HDGFL3: variants seen among roughly 807,000 people sequenced by gnomAD.
HDGFL3 encodes HDGF like 3, also known as hepatoma-derived growth factor-related protein 3.
HDGFL3 carries 6 observed loss-of-function variants against 27.6 expected under a neutral mutation model. The observed-to-expected ratio is 0.22, with a 90% CI of 0.12 to 0.43. HDGFL3 has a LOEUF of 0.43. Among genes scored for constraint, HDGFL3 ranks in the 20% least tolerant of loss-of-function variants. HDGFL3 has a pLI of 1.00. For missense variants in HDGFL3, 207 were observed against 250.1 expected (o/e 0.83, Z 1.16); for synonymous variants, 88 against 88.9 (o/e 0.99, Z 0.05).
chr15:83,193,776 ATTTCCATGTAATTAAAAGT>A (rs1221612672), intron 1 of HDGFL3, among the ~76,000 whole-genome samples: 5 of 152,222 alleles, frequency 3.3e-5, no homozygotes, highest in African/African-American at 1.2e-4. Flanking sequence ...CTGTCCCTTA[ATTTCCATGTAATTAAAAGT>A]GGATATAAAC....
At chr15:83,115,932 A>G (rs750518285) in intron 3 of HDGFL3, 66 of 1,613,166 alleles carry the variant, frequency 4.1e-5, no homozygotes, top group Non-Finnish European at 5.2e-5. Flanking sequence ...ATGACACACT[A>G]CTTGAGAGAG....
intron 3 of HDGFL3, among the ~76,000 whole-genome samples, chr15:83,121,742 C>T (rs1288844528): frequency 6.6e-6 from 1 of 152,198 alleles, no homozygotes; most frequent in Non-Finnish European, 1.5e-5. Context: ...TAGTATATCA[C>T]ATGGCAATGA....
At chr15:83,169,823 A>G (rs1314483976) in intron 1 of HDGFL3, among the ~76,000 whole-genome samples, 3 of 152,056 alleles carry the variant, frequency 2.0e-5, no homozygotes, top group African/African-American at 4.8e-5. Flanking sequence ...AAAAATCCCT[A>G]AAGACTTTGT....
chr15:83,144,457 A>G (rs2036850488), intron 5 of HDGFL3: 2 of 456,038 alleles, frequency 4.4e-6, no homozygotes, highest in African/African-American at 4.0e-5. Context: ...ATTAGGTTAC[A>G]AAAGACTGAC....
chr15:83,189,833 T>C (rs1351999771), intron 1 of HDGFL3, among the ~76,000 whole-genome samples: 5 of 152,242 alleles, frequency 3.3e-5, no homozygotes, highest in Non-Finnish European at 5.9e-5. Flanking sequence ...ATTAACTACA[T>C]TGAAAGCAAC....
intron 3 of HDGFL3, among the ~76,000 whole-genome samples, chr15:83,117,694 C>A (rs1228403600): frequency 2.0e-5 from 3 of 152,038 alleles, no homozygotes; most frequent in African/African-American, 7.2e-5. Context: ...GTCTGCAGGG[C>A]CAGGCTCTGG....
intron 5 of HDGFL3, among the ~76,000 whole-genome samples, chr15:83,150,962 T>C (rs2036956675): frequency 6.6e-6 from 1 of 152,228 alleles, no homozygotes. Flanking sequence ...AAAAAGACTC[T>C]AAAGTTAGTA....
At chr15:83,144,998 G>A (rs1161868276) in intron 5 of HDGFL3, 4 of 155,380 alleles carry the variant, frequency 2.6e-5, no homozygotes, top group African/African-American at 7.3e-5. Context: ...AGATAAGGGC[G>A]CCTGCTCCTT....
downstream of HDGFL3, chr15:83,126,820 G>A: frequency 6.2e-7 from 1 of 1,613,820 alleles, no homozygotes; most frequent in Non-Finnish European, 8.5e-7. Flanking sequence ...CCTATCTAAA[G>A]GATCCTGCTG....
chr15:83,191,844 A>C (rs2037513698), intron 1 of HDGFL3, among the ~76,000 whole-genome samples: 1 of 152,010 alleles, frequency 6.6e-6, no homozygotes, highest in Non-Finnish European at 1.5e-5. Context: ...AATCCATCAA[A>C]TGTCTCAAAA....
downstream of HDGFL3, chr15:83,126,719 A>G (rs779774733): frequency 5.8e-6 from 9 of 1,541,422 alleles, no homozygotes; most frequent in Non-Finnish European, 8.0e-6. Flanking sequence ...ACCAGATGTG[A>G]TTGTATTTTT....
intron 2 of HDGFL3, among the ~76,000 whole-genome samples, chr15:83,162,710 C>T (rs576845035): frequency 6.6e-6 from 1 of 152,272 alleles, no homozygotes; most frequent in East Asian, 1.9e-4. Flanking sequence ...TCTCCTAACT[C>T]TCTTTCAAGA....
chr15:83,146,209 C>T (rs956323408), intron 5 of HDGFL3, among the ~76,000 whole-genome samples: 3 of 152,180 alleles, frequency 2.0e-5, no homozygotes, highest in Admixed American at 2.0e-4. Flanking sequence ...GATTCACAAC[C>T]ACTGGGAGTA....
At chr15:83,142,419 CA>C (rs2151393814) in intron 5 of HDGFL3, among the ~76,000 whole-genome samples, 1 of 152,222 alleles carries the variant, frequency 6.6e-6, no homozygotes, top group Non-Finnish European at 1.5e-5. Context: ...CAAACTAACA[CA>C]GGAACAGAAA....
At position 83,165,868 on chromosome 15, in the gene HDGFL3, C is replaced by T. The variant is rs139741175; in HGVS notation, c.85-1793G>A. The stretch of plus-strand genomic sequence containing the variant: ...TGGAAGAATTCCAGAGCTTGAAGAC[C>T]GGTCTTTTGAACTAGTCCAGGCAGA... On this transcript the variant is annotated intron_variant, in intron 1 of 5. Transcript: ENST00000299633. Among the ~76,000 whole-genome samples, 9 of 150,120 alleles carry T rather than the reference C, an allele frequency of 6.0e-5. No individual in the cohort carries two copies. In the East Asian group the frequency reaches 9.7e-4, roughly 16 times the overall value.
intron 5 of HDGFL3, chr15:83,144,988 AGATAAGGG>A: frequency 1.3e-5 from 2 of 156,342 alleles, no homozygotes; most frequent in Admixed American, 6.0e-5. Flanking sequence ...CAAGCATTCT[AGATAAGGG>A]CGCCTGCTCC....
intron 1 of HDGFL3, chr15:83,179,643 C>T (rs1216972280): frequency 6.6e-6 from 1 of 152,268 alleles, no homozygotes; most frequent in Non-Finnish European, 1.5e-5. Flanking sequence ...AATATCATCT[C>T]ATCAGAGATA....
At position 83,135,498 on chromosome 15, in the gene HDGFL3, C is replaced by T. The variant is rs1253006180; in HGVS notation, c.*3772G>A. 1 of 152,128 alleles carries T rather than the reference C, an allele frequency of 6.6e-6. No individual in the cohort carries two copies. The highest frequency in any genetic ancestry group is 1.5e-5 in the Non-Finnish European group (1 of 68,022). 9.4% of individuals were successfully genotyped at this position (152,128 alleles called of 1,614,324 possible). A position where few individuals can be genotyped will look rare whatever the true frequency, so the allele number is the denominator to read the frequency against. On this transcript the variant is annotated 3_prime_UTR_variant, in exon 6 of 6. Transcript: ENST00000299633. The stretch of plus-strand genomic sequence containing the variant: ...CTTTATTCATGTGTATCTTGAATTT[C>T]AGCAAGATATGAAAATGCAGACTCC...
chr15:83,201,381 C>T (rs1277662342), intron 1 of HDGFL3, among the ~76,000 whole-genome samples: 2 of 152,148 alleles, frequency 1.3e-5, no homozygotes, highest in Non-Finnish European at 2.9e-5. Flanking sequence ...AAGTAACATT[C>T]ACAGGACATG....
Sources: gnomAD v4.1 joint callset for allele counts (sites outside exome capture counted in the v4.1 genomes callset) on GRCh38, gnomAD v4.1.1 for gene constraint, MANE v1.5 for transcripts, NCBI Gene and HGNC (gene_info 2026-07-23, HGNC 2026-07-21) for gene names.